Variants in PDS5A observed in about 807,000 individuals in gnomAD.
PDS5A encodes the protein PDS5 cohesin associated factor A, also known as sister chromatid cohesion protein PDS5 homolog A.
PDS5A carries 42 observed loss-of-function variants against 167.1 expected under a neutral mutation model. That is an observed-to-expected ratio of 0.25 (90% CI 0.20 to 0.33). PDS5A has a LOEUF of 0.33. Ranked by LOEUF, PDS5A falls within the 10% of genes least tolerant of loss-of-function variation. The pLI is 1.00. For synonymous variants in PDS5A, 553 were observed against 554.6 expected (o/e 1.00, Z 0.04); for missense variants, 1,033 against 1,605.9 (o/e 0.64, Z 6.10).
At chr4:39,948,166 T>TC (rs1727958036) in intron 2 of PDS5A, among the ~76,000 whole-genome samples, 5 of 142,470 alleles carry the variant, frequency 3.5e-5, no homozygotes. Context: ...GCAGCAGGAT[T>TC]CCTTAAGCTC....
At chr4:39,960,397 G>T (rs993352895) in intron 2 of PDS5A, among the ~76,000 whole-genome samples, 2 of 152,176 alleles carry the variant, frequency 1.3e-5, no homozygotes, top group Non-Finnish European at 2.9e-5. Flanking sequence ...AGGGATTCTG[G>T]GTCTAGGCAC....
intron 5 of PDS5A, among the ~76,000 whole-genome samples, chr4:39,925,125 C>T (rs1395010934): frequency 6.6e-6 from 1 of 151,746 alleles, no homozygotes; most frequent in African/African-American, 2.4e-5. Context: ...AAAAACAAAA[C>T]AAAACAACCC....
intron 17 of PDS5A, among the ~76,000 whole-genome samples, chr4:39,888,241 CAAAAAAA>C (rs34845975): frequency 3.6e-5 from 2 of 56,268 alleles, no homozygotes; most frequent in Non-Finnish European, 7.0e-5. Flanking sequence ...AAGACTCCGG[CAAAAAAA>C]AAAAAAAAAA....
intron 2 of PDS5A, among the ~76,000 whole-genome samples, chr4:39,946,492 G>C (rs944011489): frequency 1.3e-5 from 2 of 151,856 alleles, no homozygotes; most frequent in Non-Finnish European, 2.9e-5. Context: ...TAGAGAAAGG[G>C]AAACAAAAAG....
At chr4:39,864,329 T>C (rs1053023370) in intron 23 of PDS5A, among the ~76,000 whole-genome samples, 1 of 152,026 alleles carries the variant, frequency 6.6e-6, no homozygotes. Context: ...CTAAAGGATA[T>C]GAAATATAAG....
Position 39,824,699 on chromosome 4 carries a change from C to T in PDS5A, c.*786G>A, listed in dbSNP as rs1479288439. On this transcript the variant is annotated 3_prime_UTR_variant, in exon 33 of 33. Coordinates refer to ENST00000303538, the MANE Select transcript of PDS5A (RefSeq NM_001100399.2). ...TCCAACATAATCACAGGAGTAAAAA[C>T]CATTTTAAAGTGATATGCTTTATGA... The T allele has an allele frequency of 6.6e-6, 1 of 152,458 alleles. No individual in the cohort carries two copies. Among genetic ancestry groups the T allele is most frequent in the East Asian group, 1.9e-4 (1 of 5,194 alleles). The allele number at this position is 152,458 out of a possible 1,614,324, so 9.4% of individuals were successfully genotyped here.
Position 39,869,402 on chromosome 4 carries a change from G to A in PDS5A, c.2497C>T (p.Leu833=), listed in dbSNP as rs1343517485. ...GGCCTAAACAAATTTACCTTTGCTA[G>A]TACTTCAGGGGAAACCTCTTCATCT... The part of the protein sequence containing the change: ...SPDEEVSPEV[L]AKVQAIKLLV... Residue 833 remains leucine, a synonymous_variant, in exon 22 of 33, where the codon CTA becomes TTA. Coordinates refer to ENST00000303538, the MANE Select transcript of PDS5A (RefSeq NM_001100399.2). 1 of 1,587,728 alleles carries A rather than the reference G, an allele frequency of 6.3e-7. No individual in the cohort carries two copies. Among genetic ancestry groups the A allele is most frequent in the Admixed American group, 1.7e-5 (1 of 59,964 alleles).
At chr4:39,921,254 G>A (rs1724935057) in intron 6 of PDS5A, among the ~76,000 whole-genome samples, 1 of 152,126 alleles carries the variant, frequency 6.6e-6, no homozygotes, top group African/African-American at 2.4e-5. Context: ...AAACGAAAAC[G>A]AATGAACATG....
At chr4:39,874,486 C>T in intron 19 of PDS5A, 74 bp from the exon 20 acceptor site, 16 of 1,255,298 alleles carry the variant, frequency 1.3e-5, no homozygotes, top group Non-Finnish European at 1.9e-5. Flanking sequence ...TTGACTTCCA[C>T]TTCCCCTATA....
chr4:39,867,774 A>ACACACACACC (rs369419469), intron 22 of PDS5A, among the ~76,000 whole-genome samples: 10 of 108,592 alleles, frequency 9.2e-5, no homozygotes, highest in Admixed American at 4.6e-4. Flanking sequence ...ACACACACAC[A>ACACACACACC]CCCCACAACT....
At chr4:39,934,295 C>A (rs1244536717) in intron 2 of PDS5A, among the ~76,000 whole-genome samples, 1 of 152,152 alleles carries the variant, frequency 6.6e-6, no homozygotes, top group Non-Finnish European at 1.5e-5. Context: ...GGGTGCTCTT[C>A]CAGCAATTCC....
At chr4:39,912,027 G>A (rs1054779755) in intron 9 of PDS5A, among the ~76,000 whole-genome samples, 3 of 151,954 alleles carry the variant, frequency 2.0e-5, no homozygotes, top group South Asian at 2.1e-4. Flanking sequence ...TTTAATAAAC[G>A]TCTTAATGTC....
intron 23 of PDS5A, among the ~76,000 whole-genome samples, chr4:39,864,407 T>A (rs889948726): frequency 6.6e-6 from 1 of 152,172 alleles, no homozygotes; most frequent in Non-Finnish European, 1.5e-5. Flanking sequence ...AGTTTTCAAA[T>A]GGAACCTATG....
intron 5 of PDS5A, among the ~76,000 whole-genome samples, chr4:39,924,763 CAT>C (rs1725301629): frequency 6.6e-6 from 1 of 152,142 alleles, no homozygotes; most frequent in Non-Finnish European, 1.5e-5. Flanking sequence ...GGTATGTTTG[CAT>C]ATAATGTAAT....
At chr4:39,867,775 C>CA (rs199701197) in intron 22 of PDS5A, among the ~76,000 whole-genome samples, 3 of 122,824 alleles carry the variant, frequency 2.4e-5, no homozygotes, top group African/African-American at 4.0e-5. Context: ...CACACACACA[C>CA]CCCACAACTG....
rs368617718 is a variant in PDS5A at position 39,898,738 on chromosome 4, C to T, written c.1630+39G>A. On this transcript the variant is annotated intron_variant, in intron 15 of 32. Coordinates refer to ENST00000303538, the MANE Select transcript of PDS5A (RefSeq NM_001100399.2). ...TGGGTAAATACTTTGTCTGCATTTACGTTTACTACATGTTTAGTGAGTAAA... is the reference window on the plus strand; with the variant it reads ...TGGGTAAATACTTTGTCTGCATTTATGTTTACTACATGTTTAGTGAGTAAA... 100 of 1,294,112 alleles carry T rather than the reference C, an allele frequency of 7.7e-5. 1 individual carries two copies. The South Asian group carries it at 8.2e-4, about 11-fold the overall frequency. 80.2% of individuals were successfully genotyped at this position (1,294,112 alleles called of 1,614,324 possible). A position where few individuals can be genotyped will look rare whatever the true frequency, so the allele number is the denominator to read the frequency against.
At chr4:39,872,247 G>A (rs1720106536) in intron 21 of PDS5A, among the ~76,000 whole-genome samples, 1 of 147,654 alleles carries the variant, frequency 6.8e-6, no homozygotes, top group Non-Finnish European at 1.5e-5. Flanking sequence ...TGCAATCATG[G>A]CTCACTGCAA....
Position 39,825,027 on chromosome 4 carries a change from G to A in PDS5A, c.*458C>T, listed in dbSNP as rs1715166858. 6.5e-6 allele frequency: 1 copy of A among 153,566 alleles called. No homozygotes were observed. Among genetic ancestry groups the A allele is most frequent in the South Asian group, 2.1e-4 (1 of 4,850 alleles). 9.5% of individuals were successfully genotyped at this position (153,566 alleles called of 1,614,324 possible). On this transcript the variant is annotated 3_prime_UTR_variant, in exon 33 of 33. Coordinates refer to ENST00000303538, the MANE Select transcript of PDS5A (RefSeq NM_001100399.2). Reference sequence around the variant, plus strand: ...TTTCTTTTAAAAAATTAATTCAGTAGACTTCTATTTTTTCCTGTGTAACAT... The same window carrying A: ...TTTCTTTTAAAAAATTAATTCAGTAAACTTCTATTTTTTCCTGTGTAACAT...
intron 26 of PDS5A, among the ~76,000 whole-genome samples, chr4:39,849,989 G>A (rs1055273115): frequency 2.0e-5 from 3 of 151,998 alleles, no homozygotes; most frequent in Non-Finnish European, 4.4e-5. Flanking sequence ...CCAGAAATTC[G>A]AGGCTGGGCG....
Sources: allele counts gnomAD v4.1 joint callset (sites outside exome capture counted in the v4.1 genomes callset), GRCh38; gene constraint gnomAD v4.1.1; transcripts MANE v1.5; gene names NCBI Gene and HGNC (gene_info 2026-07-23, HGNC 2026-07-21).